INTS6: variants seen among roughly 807,000 people sequenced by gnomAD.
INTS6 encodes DEAD box protein.
INTS6 carries 16 observed loss-of-function variants against 104.9 expected under a neutral mutation model. The ratio of observed to expected loss-of-function variants is 0.15; its 90% CI spans 0.10 to 0.23. INTS6 has a LOEUF of 0.23. Among genes scored for constraint, INTS6 ranks in the 10% least tolerant of loss-of-function variants. The probability of loss-of-function intolerance (pLI) is 1.00; values close to 1 mark genes in which losing one functional copy is unlikely to be tolerated. For synonymous variants in INTS6, 324 were observed against 358.7 expected, an observed-to-expected ratio of 0.90 and a Z score of 1.09; for missense variants, 584 against 1,062.8, an observed-to-expected ratio of 0.55 and a Z score of 6.26.
chr13:51,448,320 T>C (rs1952965583), intron 3 of INTS6: 1 of 152,226 alleles, frequency 6.6e-6, no homozygotes, highest in Non-Finnish European at 1.5e-5. Context: ...AAGGAAAAGA[T>C]TGACTAAAGG....
At chr13:51,427,948 A>T (rs1003661727) in intron 4 of INTS6, among the ~76,000 whole-genome samples, 1 of 152,246 alleles carries the variant, frequency 6.6e-6, no homozygotes, top group African/African-American at 2.4e-5. Flanking sequence ...AAGGAAAGAC[A>T]TAGGAAGAAA....
chr13:51,373,519 G>GCTT (rs1286672168), intron 15 of INTS6, among the ~76,000 whole-genome samples: 3 of 152,050 alleles, frequency 2.0e-5, no homozygotes, highest in African/African-American at 7.2e-5. Flanking sequence ...CCATAATCTG[G>GCTT]CTTCTATCTT....
intron 4 of INTS6, among the ~76,000 whole-genome samples, chr13:51,417,605 C>G (rs111632518): frequency 0.033 from 5,056 of 151,978 alleles, 282 homozygotes; most frequent in African/African-American, 0.12. Context: ...CAAGCGCATG[C>G]CACCACACCC....
In INTS6 at chr13:51,369,295, T is replaced by C. The variant is rs1230769139; in HGVS notation, c.2120A>G (p.Asn707Ser). ...AACCACATCATGTATTATCGAATCA[T>C]TAGTGGTTTCTGAAACTAAAAACAA... ...LPLHKISETT[N>S]DSIIHDVVEN... Residue 707 changes from asparagine (N) to serine (S), a missense_variant, in exon 16 of 18, where the codon AAT (asparagine) becomes AGT (serine). Asn to Ser is a conservative substitution (Grantham distance 46). Around this residue, in one of 5 missense-constraint regions of INTS6, gnomAD observed 296 missense variants for 437.0 expected, o/e 0.68. Coordinates refer to ENST00000311234, the MANE Select transcript of INTS6 (RefSeq NM_012141.3). 6.2e-7 allele frequency: 1 copy of C among 1,601,154 alleles called. No individual in the cohort carries two copies. The highest frequency in any genetic ancestry group is 1.7e-5 in the Admixed American group (1 of 59,228).
chr13:51,341,659 T>C, the INTS6 span, among the ~76,000 whole-genome samples: 150 of 152,290 alleles, frequency 9.8e-4, 1 homozygote, highest in African/African-American at 3.3e-3. Context: ...CATGGCAATG[T>C]TTCAGTTTCA....
chr13:51,391,809 T>C (rs1041270759), intron 5 of INTS6, among the ~76,000 whole-genome samples: 2 of 152,228 alleles, frequency 1.3e-5, no homozygotes, highest in East Asian at 3.8e-4. Context: ...AAGTTAAATG[T>C]ATTTAATCTA....
intron 4 of INTS6, among the ~76,000 whole-genome samples, chr13:51,405,745 A>C (rs540458830): frequency 2.0e-5 from 3 of 152,332 alleles, no homozygotes; most frequent in African/African-American, 7.2e-5. Context: ...AGAGATGAGA[A>C]GCAAGGTCCC....
At chr13:51,416,689 T>C (rs1160981355) in intron 4 of INTS6, among the ~76,000 whole-genome samples, 1 of 152,230 alleles carries the variant, frequency 6.6e-6, no homozygotes, top group Non-Finnish European at 1.5e-5. Flanking sequence ...TGATGTTCAC[T>C]TACAGGTTTT....
chr13:51,403,508 G>A (rs1450603779), intron 4 of INTS6, among the ~76,000 whole-genome samples: 1 of 145,374 alleles, frequency 6.9e-6, no homozygotes, highest in Non-Finnish European at 1.5e-5. Flanking sequence ...CTTGAACCCA[G>A]GAGGTGGAGG....
Position 51,376,023 on chromosome 13 carries a change from A to G in INTS6, c.1729+25T>C, listed in dbSNP as rs762977852. 10 of 1,562,842 alleles carry G rather than the reference A, an allele frequency of 6.4e-6. No individual in the cohort carries two copies. The East Asian group carries it at 2.0e-4, about 32-fold the overall frequency. ...ACTATAAAGAAAAAAAATTAAAAAT[A>G]CCAGTATTGAAACTATGTTCTAACC... On this transcript the variant is annotated intron_variant, in intron 13 of 17. Coordinates refer to ENST00000311234, the MANE Select transcript of INTS6 (RefSeq NM_012141.3).
rs74084850 is a variant in INTS6 at position 51,418,441 on chromosome 13, T to C, written c.429+11853A>G. ...TAATACTATTATCCAATATAAGCAA[T>C]GAAGAAGGTTCTCCTCATATCATAT... On this transcript the variant is annotated intron_variant, in intron 4 of 17. Coordinates refer to ENST00000311234, the MANE Select transcript of INTS6 (RefSeq NM_012141.3). Among the ~76,000 whole-genome samples, 879 of 151,988 alleles carry C rather than the reference T, an allele frequency of 5.8e-3. 11 individuals carry two copies. The highest frequency in any genetic ancestry group is 0.02 in the African/African-American group (841 of 41,456).
chr13:51,429,785 A>AAAAAAAAAAATATATATAT (rs1156333077), intron 4 of INTS6, among the ~76,000 whole-genome samples: 6 of 92,356 alleles, frequency 6.5e-5, no homozygotes, highest in South Asian at 3.8e-4. Flanking sequence ...AAAAAAAAAA[A>AAAAAAAAAAATATATATAT]ATATATATAT....
At chr13:51,342,178 C>CAAAAAAAAAAAAA in the INTS6 span, among the ~76,000 whole-genome samples, 5 of 63,560 alleles carry the variant, frequency 7.9e-5, no homozygotes, top group Non-Finnish European at 1.3e-4. Context: ...AAAGACAGAA[C>CAAAAAAAAAAAAA]AAAAAAAAAA....
At chr13:51,404,212 T>C (rs1187401548) in intron 4 of INTS6, among the ~76,000 whole-genome samples, 2 of 150,400 alleles carry the variant, frequency 1.3e-5, no homozygotes, top group African/African-American at 4.9e-5. Flanking sequence ...AGGTTGAGAT[T>C]GCAGTGAGTC....
intron 3 of INTS6, chr13:51,450,366 G>A (rs1047890520): frequency 1.2e-5 from 12 of 985,268 alleles, no homozygotes; most frequent in Admixed American, 6.2e-5. Context: ...TGCAATAAAA[G>A]GACTTGTGGG....
chr13:51,424,108 T>C (rs562254425), intron 4 of INTS6, among the ~76,000 whole-genome samples: 15 of 152,096 alleles, frequency 9.9e-5, no homozygotes, highest in Non-Finnish European at 2.1e-4. Context: ...AATTGGATAA[T>C]AGAAACATCT....
intron 4 of INTS6, among the ~76,000 whole-genome samples, chr13:51,418,025 G>A (rs9535661): frequency 0.12 from 17,978 of 152,162 alleles, 1,329 homozygotes; most frequent in South Asian, 0.21. Context: ...TTTCCTCACC[G>A]TCACAGAATT....
At chr13:51,440,609 T>A (rs1000803134) in intron 3 of INTS6, 3 of 152,202 alleles carry the variant, frequency 2.0e-5, no homozygotes, top group Non-Finnish European at 4.4e-5. Flanking sequence ...CCATTTTTTA[T>A]CTTTCATACC....
intron 4 of INTS6, among the ~76,000 whole-genome samples, chr13:51,425,283 G>A (rs1956964907): frequency 6.6e-6 from 1 of 152,022 alleles, no homozygotes; most frequent in Non-Finnish European, 1.5e-5. Flanking sequence ...ACACAGCTGA[G>A]ACTACTCATT....
Sources: allele counts gnomAD v4.1 joint callset (sites outside exome capture counted in the v4.1 genomes callset), GRCh38; gene constraint gnomAD v4.1.1; regional missense constraint gnomAD v4.1.1; transcripts MANE v1.5; gene names NCBI Gene and HGNC (gene_info 2026-07-23, HGNC 2026-07-21).